ZNF81: variants seen among roughly 807,000 people sequenced by gnomAD.
The protein encoded by ZNF81 is zinc finger protein 81.
A neutral mutation model predicts 32.3 loss-of-function variants in ZNF81; 5 were observed. That is an observed-to-expected ratio of 0.15 (90% CI 0.08 to 0.33). ZNF81 has a LOEUF of 0.33. Among genes scored for constraint, ZNF81 ranks in the 10% least tolerant of loss-of-function variants. ZNF81 has a pLI of 1.00. For synonymous variants in ZNF81, 163 were observed against 166.8 expected, an observed-to-expected ratio of 0.98 and a Z score of 0.17; for missense variants, 379 against 479.8, an observed-to-expected ratio of 0.79 and a Z score of 1.96.
chrX:47,895,772 T>C, intron 3 of ZNF81, 73 bp from the exon 4 acceptor site: 2 of 754,326 alleles, frequency 2.7e-6, no homozygotes, highest in South Asian at 4.4e-5. Flanking sequence ...CCCCATGAAA[T>C]GTGGTTACTT....
rs974510763 is a variant in ZNF81 at position 47,851,541 on chromosome X, T to A, written c.54+5220T>A. 1.2e-4 allele frequency among the ~76,000 whole-genome samples: 13 copies of A among 112,316 alleles called. No homozygotes were observed. The Admixed American group carries it at 1.2e-3, about 11-fold the overall frequency. On this transcript the variant is annotated intron_variant, in intron 2 of 4. Transcript: ENST00000338637. ...GTGTTTAAAGAGCCATTTATATGAT[T>A]TTTTTCTGAGACATTTTAAAATTTC...
chrX:47,896,551 C>T (rs1293275548), intron 4 of ZNF81, among the ~76,000 whole-genome samples: 2 of 111,873 alleles, frequency 1.8e-5, no homozygotes, highest in African/African-American at 3.3e-5. Context: ...TTTATGGTCA[C>T]TATCACTTAG....
intron 2 of ZNF81, among the ~76,000 whole-genome samples, chrX:47,872,703 G>A (rs781813908): frequency 5.4e-5 from 6 of 111,705 alleles, no homozygotes; most frequent in East Asian, 2.8e-4. Context: ...GTGGTTGTCC[G>A]TCTTCATCAA....
intron 2 of ZNF81, among the ~76,000 whole-genome samples, chrX:47,854,819 G>C (rs1464237641): frequency 8.9e-6 from 1 of 111,877 alleles, no homozygotes; most frequent in Non-Finnish European, 1.9e-5. Context: ...TAATAGGCCG[G>C]GCGCGGCGGC....
At position 47,924,096 on chromosome X, in the gene ZNF81, G is replaced by A. The variant is rs1187744768; in HGVS notation, c.*7464G>A. On this transcript the variant is annotated 3_prime_UTR_variant, in exon 5 of 5. Coordinates refer to ENST00000338637, the MANE Select transcript of ZNF81 (RefSeq NM_007137.5). ...CTCTGATTTATCCACCCATGCTAAT[G>A]TCTCAAAAGGGCTGGTTTAGTGATT... is the stretch of plus-strand genomic sequence containing the variant. Among the ~76,000 whole-genome samples, 1 of 111,732 alleles carries A rather than the reference G, an allele frequency of 8.9e-6. No homozygotes were observed. Among genetic ancestry groups the A allele is most frequent in the Non-Finnish European group, 1.9e-5 (1 of 53,138 alleles).
intron 2 of ZNF81, among the ~76,000 whole-genome samples, chrX:47,875,378 G>A (rs782688487): frequency 1.8e-5 from 2 of 112,205 alleles, no homozygotes; most frequent in East Asian, 5.6e-4. Flanking sequence ...CACACTATAA[G>A]ACTGGATTCT....
intron 2 of ZNF81, among the ~76,000 whole-genome samples, chrX:47,874,635 G>T (rs1212002751): frequency 8.9e-6 from 1 of 112,236 alleles, no homozygotes; most frequent in Non-Finnish European, 1.9e-5. Context: ...AGCCTTATTG[G>T]TGATGCAGAT....
chrX:47,917,505 C>T lies in ZNF81; in HGVS notation c.*873C>T, dbSNP rs1569395905. The stretch of plus-strand genomic sequence containing the variant: ...AAGAAGCTTGAGAAGTGTGCAAAGC[C>T]TGCCTTGAAGCTTACCCTCTCTTGC... On this transcript the variant is annotated 3_prime_UTR_variant, in exon 5 of 5. Coordinates refer to ENST00000338637, the MANE Select transcript of ZNF81 (RefSeq NM_007137.5). 3 of 275,148 alleles carry T rather than the reference C, an allele frequency of 1.1e-5. No homozygotes were observed. In the East Asian group the frequency reaches 1.5e-4, roughly 14 times the overall value. 22.7% of individuals were successfully genotyped at this position (275,148 alleles called of 1,213,427 possible). A position where few individuals can be genotyped will look rare whatever the true frequency, so the allele number is the denominator to read the frequency against.
chrX:47,899,373 G>A (rs868926037), intron 4 of ZNF81, among the ~76,000 whole-genome samples: 6 of 109,468 alleles, frequency 5.5e-5, no homozygotes, highest in Admixed American at 2.0e-4. Flanking sequence ...ATATATATCA[G>A]CATTTTTTGT....
At chrX:47,873,976 G>A (rs782639992) in intron 2 of ZNF81, among the ~76,000 whole-genome samples, 1 of 111,891 alleles carries the variant, frequency 8.9e-6, no homozygotes, top group East Asian at 2.8e-4. Flanking sequence ...CCTTACAGTG[G>A]GTTTTAATTG....
intron 2 of ZNF81, among the ~76,000 whole-genome samples, chrX:47,856,042 C>T (rs5906493): frequency 0.47 from 37,119 of 79,203 alleles, 7,299 homozygotes; most frequent in Middle Eastern, 0.66. Context: ...TAGTGAGACT[C>T]TGCCTCAAAA....
At chrX:47,842,976 C>T (rs928741734) in intron 1 of ZNF81, among the ~76,000 whole-genome samples, 3 of 112,035 alleles carry the variant, frequency 2.7e-5, no homozygotes, top group Non-Finnish European at 5.6e-5. Context: ...ACTAGGGAAG[C>T]ACTTGTTTTA....
intron 2 of ZNF81, among the ~76,000 whole-genome samples, chrX:47,875,480 T>G (rs782108221): frequency 3.6e-5 from 4 of 112,432 alleles, no homozygotes; most frequent in Non-Finnish European, 3.8e-5. Flanking sequence ...TTTTCTACCA[T>G]CAAAGCTAGT....
chrX:47,881,951 T>C (rs975315682), intron 2 of ZNF81, among the ~76,000 whole-genome samples: 1 of 109,636 alleles, frequency 9.1e-6, no homozygotes, highest in Non-Finnish European at 1.9e-5. Context: ...TAATTTTTAA[T>C]TTTTTTTTAG....
chrX:47,867,211 C>T (rs2058563406), intron 2 of ZNF81, among the ~76,000 whole-genome samples: 1 of 111,474 alleles, frequency 9.0e-6, no homozygotes, highest in African/African-American at 3.3e-5. Flanking sequence ...ACACATTTCC[C>T]TATGTAACAA....
intron 3 of ZNF81, among the ~76,000 whole-genome samples, chrX:47,893,265 G>C (rs2058668503): frequency 9.1e-6 from 1 of 110,254 alleles, no homozygotes; most frequent in Admixed American, 9.7e-5. Flanking sequence ...GAGGATTCAA[G>C]AGAGCTTAAA....
rs782566228 is a variant in ZNF81, at chrX:47,915,803, T to C, written c.1157T>C (p.Phe386Ser). ...HQTTHTGEKL[F>S]ECSECGKGFS... The stretch of plus-strand genomic sequence containing the variant: ...ACAACTCATACTGGAGAAAAACTCT[T>C]TGAATGCAGTGAATGTGGTAAAGGC... Residue 386 changes from phenylalanine (F) to serine (S), a missense_variant, in exon 5 of 5, where the codon TTT becomes TCT. Phe to Ser is a radical substitution (Grantham distance 155). This residue lies in a region of ZNF81 where 277 missense variants were observed against 306.6 expected (regional missense o/e 0.90). Transcript: ENST00000338637. 3 of 1,209,560 alleles carry C rather than the reference T, an allele frequency of 2.5e-6. No homozygotes were observed. The highest frequency in any genetic ancestry group is 3.5e-5 in the African/African-American group (2 of 57,068).
intron 2 of ZNF81, among the ~76,000 whole-genome samples, chrX:47,866,976 A>G (rs2058562319): frequency 1.8e-5 from 2 of 111,829 alleles, no homozygotes; most frequent in Non-Finnish European, 3.8e-5. Flanking sequence ...ACTGGAAGCC[A>G]TTATCCTCAG....
intron 4 of ZNF81, among the ~76,000 whole-genome samples, chrX:47,910,143 CA>C (rs2058734700): frequency 9.0e-6 from 1 of 111,589 alleles, no homozygotes; most frequent in South Asian, 3.7e-4. Context: ...ATGGCTGGGT[CA>C]AATGGTATTT....
Sources: allele counts gnomAD v4.1 joint callset (sites outside exome capture counted in the v4.1 genomes callset), GRCh38; gene constraint gnomAD v4.1.1; regional missense constraint gnomAD v4.1.1; transcripts MANE v1.5; gene names NCBI Gene and HGNC (gene_info 2026-07-23, HGNC 2026-07-21).